Variants in TREML2 observed in about 807,000 individuals in gnomAD.
TREML2 encodes the protein trem-like transcript 2 protein.
In TREML2, 24 loss-of-function variants were observed where a neutral mutation model predicts 25.9. The observed-to-expected ratio is 0.93, with a 90% CI of 0.67 to 1.30. TREML2 has a LOEUF of 1.30. Among genes scored for constraint, TREML2 ranks in the 50% most tolerant of loss-of-function variants. The pLI, the probability that TREML2 is intolerant of heterozygous loss-of-function variation, is 0.00. For missense variants in TREML2, 359 were observed against 395.6 expected (o/e 0.91, Z 0.78); for synonymous variants, 139 against 155.2 (o/e 0.90, Z 0.77).
Position 41,192,901 on chromosome 6 carries a change from C to T in TREML2, c.786G>A (p.Arg262=). The T allele has an allele frequency of 1.3e-6, 2 of 1,564,648 alleles. No homozygotes were observed. The highest frequency in any genetic ancestry group is 1.7e-6 in the Non-Finnish European group (2 of 1,157,782). ...GCACAGTGGAGTAAACATCCTGGTG[C>T]CTGAGAAGAAGGGACAGGGTGGAAG... ...LNRLPSMPSI[R]HQDVYSTVLG... The change falls in exon 4 of 5, where the codon AGG becomes AGA. Residue 262 remains arginine, a splice_region_variant and synonymous_variant. Transcript: ENST00000483722.
At position 41,190,599 on chromosome 6, in the gene TREML2, G is replaced by A. The variant is rs921055518; in HGVS notation, c.*1828C>T. On this transcript the variant is annotated 3_prime_UTR_variant, in exon 5 of 5. Coordinates refer to ENST00000483722, the MANE Select transcript of TREML2 (RefSeq NM_024807.4). ...TGAGGCCAAGGGTTAGTGACTTGCTGAGGGTCACACAGTGACAGAGTGGTA... is the reference window on the plus strand; with the variant it reads ...TGAGGCCAAGGGTTAGTGACTTGCTAAGGGTCACACAGTGACAGAGTGGTA... The A allele has an allele frequency of 1.3e-5, 2 of 152,238 alleles. No individual in the cohort carries two copies. The highest frequency in any genetic ancestry group is 1.9e-4 in the East Asian group (1 of 5,196). 9.4% of individuals were successfully genotyped at this position (152,238 alleles called of 1,614,324 possible).
chr6:41,198,769 G>A lies in TREML2; in HGVS notation c.56-340C>T, dbSNP rs577811522. Among the ~76,000 whole-genome samples, 3 of 152,350 alleles carry A rather than the reference G, an allele frequency of 2.0e-5. No individual in the cohort carries two copies. In the East Asian group the frequency reaches 5.8e-4, roughly 29 times the overall value. Reference sequence around the variant, plus strand: ...TACACTCGGAGCTCCATCAGACACAGCCCCTTTCCTCATGGTATTTTCTAG... The same window carrying A: ...TACACTCGGAGCTCCATCAGACACAACCCCTTTCCTCATGGTATTTTCTAG... On this transcript the variant is annotated intron_variant, in intron 1 of 4. Coordinates refer to ENST00000483722, the MANE Select transcript of TREML2 (RefSeq NM_024807.4).
Position 41,198,358 on chromosome 6 carries a change from A to G in TREML2, c.127T>C (p.Tyr43His). The G allele has an allele frequency of 6.2e-7, 1 of 1,614,212 alleles. No individual in the cohort carries two copies. Residue 43 changes from tyrosine to histidine, a missense_variant, in exon 2 of 5, where the codon TAT becomes CAT. Tyr to His is a moderately conservative substitution (Grantham distance 83). Coordinates refer to ENST00000483722, the MANE Select transcript of TREML2 (RefSeq NM_024807.4). ...TCCACGCGGTTTTTGTAGCCCTTAT[A>G]GGAGCACTGCACAGACAGAGTCTCC... The part of the protein sequence containing the change: ...EGETLSVQCS[Y>H]KGYKNRVEGK...
chr6:41,194,949 T>C lies in TREML2; in HGVS notation c.377-116A>G, dbSNP rs1561889362. 3 of 929,136 alleles carry C rather than the reference T, an allele frequency of 3.2e-6. No homozygotes were observed. In the East Asian group the frequency reaches 7.9e-5, roughly 24 times the overall value. The allele number at this position is 929,136 out of a possible 1,614,324, so 57.6% of individuals were successfully genotyped here. ...CTGGATGGGGGCCTGTCCTCTTCTCTTCTCCTTGACCTTGGGCCTAGGATT... is the reference window on the plus strand; with the variant it reads ...CTGGATGGGGGCCTGTCCTCTTCTCCTCTCCTTGACCTTGGGCCTAGGATT... On this transcript the variant is annotated intron_variant, in intron 2 of 4. Coordinates refer to ENST00000483722, the MANE Select transcript of TREML2 (RefSeq NM_024807.4).
rs766056245 is a variant in TREML2 at position 41,201,124 on chromosome 6, G to A, written c.-116C>T. ...GACCCGGGGTTCTAAAAGTGAAGCTGCCCATTTAGGGAAGTGAGGCAGTGT... is the reference window on the plus strand; with the variant it reads ...GACCCGGGGTTCTAAAAGTGAAGCTACCCATTTAGGGAAGTGAGGCAGTGT... On this transcript the variant is annotated 5_prime_UTR_variant, in exon 1 of 5. Transcript: ENST00000483722. The A allele has an allele frequency of 5.0e-6, 6 of 1,205,572 alleles. No individual in the cohort carries two copies. Among genetic ancestry groups the A allele is most frequent in the Non-Finnish European group, 7.4e-6 (6 of 808,756 alleles). The allele number at this position is 1,205,572 out of a possible 1,614,324, so 74.7% of individuals were successfully genotyped here. A position where few individuals can be genotyped will look rare whatever the true frequency, so the allele number is the denominator to read the frequency against.
rs1482953036 is a variant in TREML2, at chr6:41,192,435, A to G, written c.958T>C (p.Leu320=). The G allele has an allele frequency of 6.2e-7, 1 of 1,613,886 alleles. No individual in the cohort carries two copies. ...CCCATGCTTAAGTGGCCTCAGATCA[A>G]GTAGACTTCCACATAGGGCTCTGGT... is the stretch of plus-strand genomic sequence containing the variant. ...GRPEPYVEVY[L]I Residue 320 remains leucine (L), a synonymous_variant, in exon 5 of 5, where the codon TTG becomes CTG. Coordinates refer to ENST00000483722, the MANE Select transcript of TREML2 (RefSeq NM_024807.4).
At chr6:41,198,078 A>C (rs763624469) in intron 2 of TREML2, 31 bp downstream of exon 2, 1 of 1,547,302 alleles carries the variant, frequency 6.5e-7, no homozygotes, top group Non-Finnish European at 8.8e-7. Context: ...GACTCCCTCC[A>C]CCCGTCCCAG....
At chr6:41,192,952 C>A in intron 3 of TREML2, 51 bp from the exon 4 acceptor site, 1 of 1,449,520 alleles carries the variant, frequency 6.9e-7, no homozygotes, top group South Asian at 1.4e-5. Flanking sequence ...GTCCCCCATC[C>A]TAACCCACGT....
In TREML2 at chr6:41,191,347, C is replaced by T. The variant is rs1399842407; in HGVS notation, c.*1080G>A. ...AGGCAGATTCCTCGGGACATTGGGT[C>T]CCTGGCCAGAGGCTACTTGGGCTCC... On this transcript the variant is annotated 3_prime_UTR_variant, in exon 5 of 5. Transcript: ENST00000483722. 2 of 152,264 alleles carry T rather than the reference C, an allele frequency of 1.3e-5. No homozygotes were observed. Among genetic ancestry groups the T allele is most frequent in the Non-Finnish European group, 2.9e-5 (2 of 68,156 alleles). 9.4% of individuals were successfully genotyped at this position (152,264 alleles called of 1,614,324 possible). A position where few individuals can be genotyped will look rare whatever the true frequency, so the allele number is the denominator to read the frequency against.
chr6:41,191,791 G>C lies in TREML2; in HGVS notation c.*636C>G, dbSNP rs1437138368. ...AGGCAGCAGTGAGAGCGTGGGCTCT[G>C]CGCGGTCCCAGGACAGGAGGGAGGA... is the stretch of plus-strand genomic sequence containing the variant. On this transcript the variant is annotated 3_prime_UTR_variant, in exon 5 of 5. Coordinates refer to ENST00000483722, the MANE Select transcript of TREML2 (RefSeq NM_024807.4). 6.5e-6 allele frequency: 1 copy of C among 153,660 alleles called. No individual in the cohort carries two copies. The highest frequency in any genetic ancestry group is 1.5e-5 in the Non-Finnish European group (1 of 68,842). 9.5% of individuals were successfully genotyped at this position (153,660 alleles called of 1,614,324 possible).
At chr6:41,200,803 G>T in intron 1 of TREML2, 151 bp downstream of exon 1, 1 of 623,556 alleles carries the variant, frequency 1.6e-6, no homozygotes, top group Non-Finnish European at 2.5e-6. Flanking sequence ...TGATATTAGG[G>T]TAAAGAGCTA....
At chr6:41,198,559 G>A (rs920390771) in intron 1 of TREML2, 130 bp from the exon 2 acceptor site, 28 of 1,035,128 alleles carry the variant, frequency 2.7e-5, no homozygotes, top group Non-Finnish European at 3.7e-5. Context: ...GATTGAGGGG[G>A]AAATACAGCC....
At chr6:41,196,028 A>G (rs1390203077) in intron 2 of TREML2, among the ~76,000 whole-genome samples, 3 of 152,174 alleles carry the variant, frequency 2.0e-5, no homozygotes, top group Admixed American at 6.5e-5. Flanking sequence ...GGAATATCCT[A>G]TACTGCTAGA....
rs1256332693 is a variant in TREML2, at chr6:41,200,356, C to T, written c.55+598G>A. The stretch of plus-strand genomic sequence containing the variant: ...GCAATGTCTTCATGTGTGCCTACAC[C>T]TCCCACCCCTCTCACAGGCAGTGGT... On this transcript the variant is annotated intron_variant, in intron 1 of 4. Coordinates refer to ENST00000483722, the MANE Select transcript of TREML2 (RefSeq NM_024807.4). Among the ~76,000 whole-genome samples the T allele has an allele frequency of 2.6e-5, 4 of 152,238 alleles. No homozygotes were observed. The East Asian group carries it at 7.7e-4, about 29-fold the overall frequency.
At chr6:41,197,124 G>A (rs1766181224) in intron 2 of TREML2, among the ~76,000 whole-genome samples, 2 of 152,250 alleles carry the variant, frequency 1.3e-5, no homozygotes, top group East Asian at 3.9e-4. Context: ...ATAGATTTGA[G>A]CCCATTCACA....
chr6:41,195,351 C>G (rs988430489), intron 2 of TREML2, among the ~76,000 whole-genome samples: 1 of 152,140 alleles, frequency 6.6e-6, no homozygotes, highest in African/African-American at 2.4e-5. Context: ...TACACTCACC[C>G]ATCAACCCAG....
At chr6:41,193,157 A>G (rs1766097954) in intron 3 of TREML2, among the ~76,000 whole-genome samples, 1 of 152,176 alleles carries the variant, frequency 6.6e-6, no homozygotes, top group Non-Finnish European at 1.5e-5. Flanking sequence ...TTCATCAGTG[A>G]GGATGAGGAT....
intron 2 of TREML2, among the ~76,000 whole-genome samples, chr6:41,196,232 C>G (rs941926022): frequency 6.6e-6 from 1 of 152,186 alleles, no homozygotes; most frequent in Non-Finnish European, 1.5e-5. Context: ...ATTAAGACTT[C>G]AGTGAACCAG....
chr6:41,201,063 C>G lies in TREML2; in HGVS notation c.-55G>C, dbSNP rs142327058. ...TGGAGATCCAAGGTGAGGGCCCACC[C>G]GACACAGGATGTGCCACCTGGGCCT... On this transcript the variant is annotated 5_prime_UTR_variant, in exon 1 of 5. Coordinates refer to ENST00000483722, the MANE Select transcript of TREML2 (RefSeq NM_024807.4). 5.6e-6 allele frequency: 9 copies of G among 1,601,564 alleles called. No individual in the cohort carries two copies. Among genetic ancestry groups the G allele is most frequent in the Middle Eastern group, 1.7e-4 (1 of 6,038 alleles).
Sources: gnomAD v4.1 joint callset for allele counts (sites outside exome capture counted in the v4.1 genomes callset) on GRCh38, gnomAD v4.1.1 for gene constraint, MANE v1.5 for transcripts, NCBI Gene and HGNC (gene_info 2026-07-23, HGNC 2026-07-21) for gene names.